Variants in CD226 observed in about 807,000 individuals in gnomAD.
CD226 encodes the protein CD226 molecule, also known as CD226 antigen.
CD226 carries 24 observed loss-of-function variants against 34.9 expected under a neutral mutation model. That is an observed-to-expected ratio of 0.69 (90% CI 0.50 to 0.97). The LOEUF is 0.97. Among genes scored for constraint, CD226 ranks in the 50% least tolerant of loss-of-function variants. The probability of loss-of-function intolerance (pLI) is 0.00; values close to 1 mark genes in which losing one functional copy is unlikely to be tolerated. For synonymous variants in CD226, 148 were observed against 147.4 expected (o/e 1.00, Z -0.03); for missense variants, 397 against 412.7 (o/e 0.96, Z 0.33).
intron 1 of CD226, among the ~76,000 whole-genome samples, chr18:69,953,630 G>A (rs900507583): frequency 8.5e-5 from 13 of 152,182 alleles, no homozygotes; most frequent in Non-Finnish European, 1.8e-4. Context: ...TGATGAAAAT[G>A]TTTTGGAATC....
At chr18:69,890,607 A>G (rs562742739) in intron 3 of CD226, among the ~76,000 whole-genome samples, 22 of 152,328 alleles carry the variant, frequency 1.4e-4, no homozygotes, top group African/African-American at 4.8e-4. Flanking sequence ...AAACATAGAC[A>G]TTGAGACGGC....
intron 3 of CD226, among the ~76,000 whole-genome samples, chr18:69,889,362 T>G (rs1984748858): frequency 6.6e-6 from 1 of 152,114 alleles, no homozygotes; most frequent in Non-Finnish European, 1.5e-5. Context: ...CCACACAATG[T>G]CATGGAAAGG....
intron 3 of CD226, among the ~76,000 whole-genome samples, chr18:69,876,610 G>GT (rs1184219752): frequency 6.6e-6 from 1 of 152,224 alleles, no homozygotes; most frequent in Admixed American, 6.5e-5. Flanking sequence ...CTCCAATTGT[G>GT]TTTTTTCTCT....
chr18:69,943,625 T>C (rs2055752925), intron 2 of CD226, among the ~76,000 whole-genome samples: 1 of 152,208 alleles, frequency 6.6e-6, no homozygotes, highest in Non-Finnish European at 1.5e-5. Flanking sequence ...AAGGTCTCCT[T>C]CTTCAAGGGC....
At chr18:69,879,889 C>T (rs1295876895) in intron 3 of CD226, among the ~76,000 whole-genome samples, 1 of 152,192 alleles carries the variant, frequency 6.6e-6, no homozygotes, top group African/African-American at 2.4e-5. Context: ...CAACCAGTTA[C>T]AGCTCCAAAA....
At chr18:69,909,860 T>G (rs986859045) in intron 2 of CD226, among the ~76,000 whole-genome samples, 1 of 152,208 alleles carries the variant, frequency 6.6e-6, no homozygotes, top group East Asian at 1.9e-4. Context: ...CAAGCATTAG[T>G]TGAAATAGAG....
intron 2 of CD226, among the ~76,000 whole-genome samples, chr18:69,936,504 A>G (rs1401819659): frequency 6.6e-6 from 1 of 152,098 alleles, no homozygotes; most frequent in African/African-American, 2.4e-5. Context: ...TTCATTACGG[A>G]GTGAGATTTT....
At chr18:69,943,847 C>T (rs116937896) in intron 2 of CD226, among the ~76,000 whole-genome samples, 6 of 152,036 alleles carry the variant, frequency 3.9e-5, no homozygotes, top group Non-Finnish European at 7.4e-5. Flanking sequence ...TGTAAAATTC[C>T]GCACATAATA....
intron 2 of CD226, among the ~76,000 whole-genome samples, chr18:69,910,958 C>T (rs1158263215): frequency 3.3e-5 from 5 of 152,070 alleles, no homozygotes; most frequent in South Asian, 2.1e-4. Flanking sequence ...CACCACAAGA[C>T]GCTGGGACTA....
chr18:69,937,530 T>A (rs2055670070), intron 2 of CD226, among the ~76,000 whole-genome samples: 1 of 152,182 alleles, frequency 6.6e-6, no homozygotes, highest in Non-Finnish European at 1.5e-5. Context: ...ATTTGTGATA[T>A]AAACTTTTCT....
chr18:69,927,507 C>G (rs889738601), intron 2 of CD226, among the ~76,000 whole-genome samples: 1 of 152,044 alleles, frequency 6.6e-6, no homozygotes, highest in African/African-American at 2.4e-5. Flanking sequence ...CTCACAGAAT[C>G]GAAATCCTAC....
At chr18:69,947,891 C>T (rs1209450031), upstream of CD226, 1 of 152,266 alleles carries the variant, frequency 6.6e-6, no homozygotes, top group African/African-American at 2.4e-5. Context: ...TAAGATGAGG[C>T]AGAGGCTGAA....
At chr18:69,953,594 T>C (rs1350095943) in intron 1 of CD226, among the ~76,000 whole-genome samples, 1 of 152,190 alleles carries the variant, frequency 6.6e-6, no homozygotes, top group African/African-American at 2.4e-5. Flanking sequence ...GGAGTGACTG[T>C]TTAAGGTATG....
chr18:69,914,584 A>G (rs1338658584), intron 2 of CD226, among the ~76,000 whole-genome samples: 1 of 152,234 alleles, frequency 6.6e-6, no homozygotes, highest in Non-Finnish European at 1.5e-5. Flanking sequence ...AGAAAAGGCA[A>G]GATAGACTAG....
Position 69,895,767 on chromosome 18 carries a change from G to A in CD226, c.661C>T (p.Arg221Cys), listed in dbSNP as rs766990441. 10 of 1,614,042 alleles carry A rather than the reference G, an allele frequency of 6.2e-6. No homozygotes were observed. Among genetic ancestry groups the A allele is most frequent in the East Asian group, 2.2e-5 (1 of 44,886 alleles). ...CCTGCGCTGGCCTGCAAGTAGCAGCGGTAAAGCCCCGAGTCTGAGACTGTG... is the reference window on the plus strand; with the variant it reads ...CCTGCGCTGGCCTGCAAGTAGCAGCAGTAAAGCCCCGAGTCTGAGACTGTG... ...DVTVSDSGLYRCYLQASAGEN... is the reference protein window; with the variant it reads ...DVTVSDSGLYCCYLQASAGEN... Residue 221 changes from arginine (R) to cysteine (C), a missense_variant, in exon 3 of 6, where the codon CGC becomes TGC. By Grantham distance (180) the Arg-to-Cys change is radical (BLOSUM62 -3). Transcript: ENST00000582621.
rs34436716 is a variant in CD226 at position 69,900,738 on chromosome 18, CA to C, written c.383-4694del. On this transcript the variant is annotated intron_variant, in intron 2 of 5. Transcript: ENST00000582621. ...TGGGCGACAGAGCGAGACTCCGTCT[CA>C]AAAAAAAAAAAAAAAAATTTCTAAT... Among the ~76,000 whole-genome samples, 968 of 98,550 alleles carry C rather than the reference CA, an allele frequency of 9.8e-3. 9 individuals carry two copies. Among genetic ancestry groups the C allele is most frequent in the African/African-American group, 0.025 (694 of 27,722 alleles). The allele number at this position is 98,550 out of a possible 152,430, so 64.7% of individuals were successfully genotyped here. A position where few individuals can be genotyped will look rare whatever the true frequency, so the allele number is the denominator to read the frequency against.
At chr18:69,931,814 C>T (rs1253600861) in intron 2 of CD226, among the ~76,000 whole-genome samples, 2 of 152,198 alleles carry the variant, frequency 1.3e-5, no homozygotes, top group Non-Finnish European at 2.9e-5. Context: ...TCTTTTTCAT[C>T]GCTTGTCTGA....
At chr18:69,949,299 C>G (rs2145373321), upstream of CD226, among the ~76,000 whole-genome samples, 1 of 152,316 alleles carries the variant, frequency 6.6e-6, no homozygotes, top group Admixed American at 6.5e-5. Flanking sequence ...GAAAGCGGTG[C>G]ACACAACTTC....
chr18:69,938,204 A>T (rs1024112828), intron 2 of CD226, among the ~76,000 whole-genome samples: 1 of 152,224 alleles, frequency 6.6e-6, no homozygotes, highest in Admixed American at 6.5e-5. Flanking sequence ...GCATGTGTGG[A>T]GCAAGAAAAT....
Sources: gnomAD v4.1 joint callset for allele counts (sites outside exome capture counted in the v4.1 genomes callset) on GRCh38, gnomAD v4.1.1 for gene constraint, MANE v1.5 for transcripts, NCBI Gene and HGNC (gene_info 2026-07-23, HGNC 2026-07-21) for gene names.